Variants in TSKS observed in about 807,000 individuals in gnomAD.
TSKS encodes testis-specific serine kinase substrate.
Under a neutral mutation model 68.0 loss-of-function variants are expected in TSKS, and 27 were observed. The ratio of observed to expected loss-of-function variants is 0.40; its 90% CI spans 0.29 to 0.55. The LOEUF is 0.55. Ranked by LOEUF, TSKS falls within the 20% of genes least tolerant of loss-of-function variation. TSKS has a pLI of 0.53. For missense variants in TSKS, 806 were observed against 776.0 expected (o/e 1.04, Z -0.46); for synonymous variants, 331 against 340.4 (o/e 0.97, Z 0.30).
Position 49,763,108 on chromosome 19 carries a change from G to A in TSKS, c.140C>T (p.Pro47Leu). The change falls in exon 1 of 11, where the codon CCG becomes CTG. Residue 47 changes from proline (P) to leucine (L), a missense_variant. By Grantham distance (98) the Pro-to-Leu change is moderately conservative. Transcript: ENST00000246801. This position sits in a 1 kb window ranked among gnomAD's most constrained non-coding sequence, Gnocchi z 4.5. ...GAACGACACGGCCTTCTTTTTCTTC[G>A]GGATCCCCTTGGCCCGGCTGGTCAC... ...RRVTSRAKGI[P>L]KKKKAVSFHG... The A allele has an allele frequency of 1.2e-6, 2 of 1,612,122 alleles. No homozygotes were observed. The highest frequency in any genetic ancestry group is 1.1e-5 in the South Asian group (1 of 90,866).
intron 8 of TSKS, among the ~76,000 whole-genome samples, chr19:49,743,238 C>A (rs973532901): frequency 6.6e-6 from 1 of 151,772 alleles, no homozygotes; most frequent in African/African-American, 2.4e-5. Flanking sequence ...ACCACCACAC[C>A]CAGCTAATTT....
Position 49,740,265 on chromosome 19 carries a change from G to C in TSKS, c.1498-82C>G, listed in dbSNP as rs542808716. 7 of 1,508,312 alleles carry C rather than the reference G, an allele frequency of 4.6e-6. No homozygotes were observed. In the African/African-American group the frequency reaches 6.9e-5, roughly 15 times the overall value. 93.4% of individuals were successfully genotyped at this position (1,508,312 alleles called of 1,614,324 possible). ...GGGAACTGGATTGCGGAGGGCAAAG[G>C]GTAGGGTCCCATGGGGCCCACATTT... On this transcript the variant is annotated intron_variant, in intron 9 of 10. Transcript: ENST00000246801.
At position 49,757,913 on chromosome 19, in the gene TSKS, A is replaced by G. The variant is rs139191588; in HGVS notation, c.399+4091T>C. Among the ~76,000 whole-genome samples the G allele has an allele frequency of 9.8e-3, 1,217 of 124,552 alleles. 18 individuals carry two copies. The highest frequency in any genetic ancestry group is 0.036 in the African/African-American group (1,150 of 32,230). The allele number at this position is 124,552 out of a possible 152,430, so 81.7% of individuals were successfully genotyped here. On this transcript the variant is annotated intron_variant, in intron 2 of 10. Coordinates refer to ENST00000246801, the MANE Select transcript of TSKS (RefSeq NM_021733.2). ...TTCTTTTTTTTTTTTTTTTTTTGAGATAGAGTCTCACTCTGTCACCAGGCT... is the reference window on the plus strand; with the variant it reads ...TTCTTTTTTTTTTTTTTTTTTTGAGGTAGAGTCTCACTCTGTCACCAGGCT...
intron 2 of TSKS, among the ~76,000 whole-genome samples, chr19:49,754,655 C>T (rs564849333): frequency 9.9e-5 from 15 of 152,180 alleles, no homozygotes; most frequent in African/African-American, 3.6e-4. Context: ...ACTTACTAGG[C>T]AAACACTTTA....
rs976735829 is a variant in TSKS at position 49,744,385 on chromosome 19, A to G, written c.1207T>C (p.Ser403Pro). 1.4e-5 allele frequency: 22 copies of G among 1,613,840 alleles called. No homozygotes were observed. The highest frequency in any genetic ancestry group is 1.8e-5 in the Non-Finnish European group (21 of 1,179,960). ...LCTMVERSAVSVASLRSELEG... is the reference protein window; with the variant it reads ...LCTMVERSAVPVASLRSELEG... ...AGTTCGCTCCTCAGTGAAGCCACAG[A>G]CACTGCTGACCGCTCCACCCTGAGG... is the stretch of plus-strand genomic sequence containing the variant. Residue 403 changes from serine to proline, a missense_variant, in exon 8 of 11, where the codon TCT (serine) becomes CCT (proline). Physicochemically the swap from Ser to Pro is moderately conservative, Grantham distance 74. Coordinates refer to ENST00000246801, the MANE Select transcript of TSKS (RefSeq NM_021733.2).
At position 49,746,526 on chromosome 19, in the gene TSKS, G is replaced by T. The variant is rs2084302323; in HGVS notation, c.936C>A (p.Gly312=). ...GWGMGPRAGE[G]PYVSEQELQK... is the part of the protein sequence containing the mutation. ...GCAATTCCTGCTCGCTCACGTAGGGGCCCTCGCCAGCCCGAGGCCCCATTC... is the reference window on the plus strand; with the variant it reads ...GCAATTCCTGCTCGCTCACGTAGGGTCCCTCGCCAGCCCGAGGCCCCATTC... Residue 312 remains glycine (G), a synonymous_variant, in exon 6 of 11, where the codon GGC becomes GGA. Coordinates refer to ENST00000246801, the MANE Select transcript of TSKS (RefSeq NM_021733.2). The T allele has an allele frequency of 6.2e-7, 1 of 1,613,708 alleles. No homozygotes were observed. Among genetic ancestry groups the T allele is most frequent in the African/African-American group, 1.3e-5 (1 of 75,066 alleles).
At position 49,758,610 on chromosome 19, in the gene TSKS, C is replaced by T. The variant is rs192210261; in HGVS notation, c.399+3394G>A. On this transcript the variant is annotated intron_variant, in intron 2 of 10. Transcript: ENST00000246801. ...ATGTCTCCCAGACATCCTTCCCAGC[C>T]CAGACTCTTTGCCCTGTTCTCTGCA... 4.6e-5 allele frequency among the ~76,000 whole-genome samples: 7 copies of T among 152,270 alleles called. No individual in the cohort carries two copies. In the East Asian group the frequency reaches 1.4e-3, roughly 29 times the overall value.
intron 2 of TSKS, among the ~76,000 whole-genome samples, chr19:49,760,879 C>T (rs970585749): frequency 8.6e-5 from 13 of 151,754 alleles, no homozygotes; most frequent in South Asian, 2.1e-4. Context: ...ACCTGAGGTC[C>T]GGAGTTCGAG....
intron 2 of TSKS, among the ~76,000 whole-genome samples, chr19:49,760,517 A>G (rs2084431555): frequency 6.6e-6 from 1 of 151,892 alleles, no homozygotes; most frequent in South Asian, 2.1e-4. Flanking sequence ...TTGTATTTTT[A>G]GTAGAGACGG....
chr19:49,744,481 C>T (rs1331892455), intron 7 of TSKS, 77 bp from the exon 8 acceptor site: 48 of 1,480,532 alleles, frequency 3.2e-5, no homozygotes, highest in Non-Finnish European at 3.9e-5. Flanking sequence ...CCATTATTAG[C>T]CCACCACTTG....
rs187532088 is a variant in TSKS, at chr19:49,740,253, C to T, written c.1498-70G>A. ...TGGGGGTGGAGGGGGAACTGGATTG[C>T]GGAGGGCAAAGGGTAGGGTCCCATG... On this transcript the variant is annotated intron_variant, in intron 9 of 10. Coordinates refer to ENST00000246801, the MANE Select transcript of TSKS (RefSeq NM_021733.2). The T allele has an allele frequency of 2.4e-4, 372 of 1,544,794 alleles. 4 individuals are homozygous for T. In the East Asian group the frequency reaches 7.6e-3, roughly 31 times the overall value.
rs1600190294 is a variant in TSKS at position 49,746,524 on chromosome 19, G to C, written c.938C>G (p.Pro313Arg). The C allele has an allele frequency of 6.2e-7, 1 of 1,613,818 alleles. No homozygotes were observed. The highest frequency in any genetic ancestry group is 2.2e-5 in the East Asian group (1 of 44,876). ...CTGCAATTCCTGCTCGCTCACGTAGGGGCCCTCGCCAGCCCGAGGCCCCAT... is the reference window on the plus strand; with the variant it reads ...CTGCAATTCCTGCTCGCTCACGTAGCGGCCCTCGCCAGCCCGAGGCCCCAT... ...WGMGPRAGEG[P>R]YVSEQELQKL... The change falls in exon 6 of 11, where the codon CCC (proline) becomes CGC (arginine). Residue 313 changes from proline to arginine, a missense_variant. Physicochemically the swap from Pro to Arg is moderately radical, Grantham distance 103. Coordinates refer to ENST00000246801, the MANE Select transcript of TSKS (RefSeq NM_021733.2).
Position 49,762,240 on chromosome 19 carries a change from G to A in TSKS, c.171-8C>T. 1 of 1,611,218 alleles carries A rather than the reference G, an allele frequency of 6.2e-7. No homozygotes were observed. The highest frequency in any genetic ancestry group is 8.5e-7 in the Non-Finnish European group (1 of 1,178,424). ...GACATCTGGGGCTCCACCCTGCAGA[G>A]AAGAAACAGGCAGAAAAGTGGAGAA... On this transcript the variant is annotated splice_polypyrimidine_tract_variant and splice_region_variant and intron_variant, in intron 1 of 10. Coordinates refer to ENST00000246801, the MANE Select transcript of TSKS (RefSeq NM_021733.2).
chr19:49,760,479 G>T (rs1347840573), intron 2 of TSKS, among the ~76,000 whole-genome samples: 1 of 151,646 alleles, frequency 6.6e-6, no homozygotes, highest in African/African-American at 2.4e-5. Flanking sequence ...CACCACCACA[G>T]GCACACACCA....
rs2123635621 is a variant in TSKS at position 49,762,225 on chromosome 19, G to T, written c.178C>A (p.Pro60Thr). The stretch of plus-strand genomic sequence containing the variant: ...TGCATGGGCTGATGGGACATCTGGG[G>T]CTCCACCCTGCAGAGAAGAAACAGG... ...KKAVSFHGVE[P>T]QMSHQPMHWC... Residue 60 changes from proline to threonine, a missense_variant, in exon 2 of 11, where the codon CCC becomes ACC. Physicochemically the swap from Pro to Thr is conservative, Grantham distance 38. Transcript: ENST00000246801. The T allele has an allele frequency of 6.2e-7, 1 of 1,613,600 alleles. No homozygotes were observed. Among genetic ancestry groups the T allele is most frequent in the Non-Finnish European group, 8.5e-7 (1 of 1,179,826 alleles).
chr19:49,742,015 C>T lies in TSKS; in HGVS notation c.1367G>A (p.Gly456Glu), dbSNP rs1281827100. ...QGNCARCASQGSQLSTESLQQ... is the reference protein window; with the variant it reads ...QGNCARCASQESQLSTESLQQ... ...CAGGGACTCCGTAGACAACTGCGACCCCTGGCTGGGGGAGGGGCGGTCACC... is the reference window on the plus strand; with the variant it reads ...CAGGGACTCCGTAGACAACTGCGACTCCTGGCTGGGGGAGGGGCGGTCACC... Residue 456 changes from glycine to glutamate, a missense_variant, in exon 9 of 11, where the codon GGG (glycine) becomes GAG (glutamate). By Grantham distance (98) the Gly-to-Glu change is moderately conservative. Transcript: ENST00000246801. 1 of 1,613,960 alleles carries T rather than the reference C, an allele frequency of 6.2e-7. No individual in the cohort carries two copies. Among genetic ancestry groups the T allele is most frequent in the Non-Finnish European group, 8.5e-7 (1 of 1,180,006 alleles).
At position 49,763,144 on chromosome 19, in the gene TSKS, G is replaced by A. The variant is rs775303440; in HGVS notation, c.104C>T (p.Ala35Val). The change falls in exon 1 of 11, where the codon GCT becomes GTT. Residue 35 changes from alanine (A) to valine (V), a missense_variant. Ala to Val is a moderately conservative substitution (Grantham distance 64, BLOSUM62 0). Coordinates refer to ENST00000246801, the MANE Select transcript of TSKS (RefSeq NM_021733.2). The surrounding 1 kb of genome is among the most constrained non-coding windows in gnomAD (Gnocchi z 4.5). Reference sequence around the variant, plus strand: ...GGCCCGGCTGGTCACCCTCCGGGGAGCCTCTGGGACTAGCTGGGAGCAGCT... The same window carrying A: ...GGCCCGGCTGGTCACCCTCCGGGGAACCTCTGGGACTAGCTGGGAGCAGCT... ...VESCSQLVPE[A>V]PRRVTSRAKG... is the part of the protein sequence containing the mutation. 1 of 1,611,294 alleles carries A rather than the reference G, an allele frequency of 6.2e-7. No individual in the cohort carries two copies. The highest frequency in any genetic ancestry group is 8.5e-7 in the Non-Finnish European group (1 of 1,178,666).
intron 1 of TSKS, among the ~76,000 whole-genome samples, chr19:49,762,541 G>C (rs1017234784): frequency 6.6e-6 from 1 of 150,822 alleles, no homozygotes; most frequent in Non-Finnish European, 1.5e-5. Flanking sequence ...CAATTCTCCT[G>C]CCTCAGCCTC....
intron 9 of TSKS, among the ~76,000 whole-genome samples, chr19:49,740,626 G>A (rs2084244078): frequency 6.6e-6 from 1 of 152,114 alleles, no homozygotes; most frequent in African/African-American, 2.4e-5. Context: ...GCTCACGCCT[G>A]TAATCCCAGC....
Sources: allele counts gnomAD v4.1 joint callset (sites outside exome capture counted in the v4.1 genomes callset), GRCh38; gene constraint gnomAD v4.1.1; non-coding constraint Gnocchi (gnomAD v3.1); transcripts MANE v1.5; gene names NCBI Gene and HGNC (gene_info 2026-07-23, HGNC 2026-07-21).